The following LRP1B variants were observed in gnomAD, a reference collection of about 807,000 sequenced individuals.
LRP1B encodes LDL receptor related protein 1B, also known as low-density lipoprotein receptor-related protein 1B.
In LRP1B, 217 loss-of-function variants were observed where a neutral mutation model predicts 556.6. That is an observed-to-expected ratio of 0.39 (90% CI 0.35 to 0.44). The LOEUF (loss-of-function observed/expected upper bound fraction) is 0.44. Among genes scored for constraint, LRP1B ranks in the 20% least tolerant of loss-of-function variants. The pLI, the probability that LRP1B is intolerant of heterozygous loss-of-function variation, is 1.00. For missense variants in LRP1B, 5,053 were observed against 5,620.8 expected (o/e 0.90, Z 3.23); for synonymous variants, 2,047 against 1,865.8 (o/e 1.10, Z -2.50).
chr2:140,802,561 T>A (rs769069937), intron 32 of LRP1B, among the ~76,000 whole-genome samples: 4 of 152,208 alleles, frequency 2.6e-5, no homozygotes, highest in Non-Finnish European at 5.9e-5. Context: ...TTCCACTTGT[T>A]ATTTTAGAGC....
intron 2 of LRP1B, among the ~76,000 whole-genome samples, chr2:141,623,335 A>C (rs1435461219): frequency 1.3e-5 from 2 of 152,210 alleles, no homozygotes; most frequent in African/African-American, 2.4e-5. Context: ...GATGGTAAAA[A>C]TAAGCAACTA....
At chr2:140,348,458 G>A (rs928884126) in intron 77 of LRP1B, among the ~76,000 whole-genome samples, 3 of 152,000 alleles carry the variant, frequency 2.0e-5, no homozygotes, top group African/African-American at 7.2e-5. Flanking sequence ...AGTTAGTTAT[G>A]ATGGACTCCT....
intron 2 of LRP1B, among the ~76,000 whole-genome samples, chr2:141,714,999 C>T (rs186553846): frequency 1.3e-5 from 2 of 152,026 alleles, no homozygotes; most frequent in East Asian, 3.9e-4. Context: ...TTGCTTTATA[C>T]TAATTTTTTC....
At chr2:140,538,630 TAAGAC>T (rs1414247672) in intron 45 of LRP1B, among the ~76,000 whole-genome samples, 1 of 152,112 alleles carries the variant, frequency 6.6e-6, no homozygotes, top group Admixed American at 6.6e-5. Context: ...GAATGTCATT[TAAGAC>T]AAGGTAGCAA....
intron 41 of LRP1B, among the ~76,000 whole-genome samples, chr2:140,632,605 A>G (rs916887878): frequency 7.2e-5 from 11 of 152,234 alleles, no homozygotes; most frequent in African/African-American, 2.2e-4. Context: ...TAAAGAAAAA[A>G]GTGCTACAAA....
intron 20 of LRP1B, among the ~76,000 whole-genome samples, chr2:140,930,193 G>A (rs973721427): frequency 6.6e-6 from 1 of 152,062 alleles, no homozygotes; most frequent in Non-Finnish European, 1.5e-5. Context: ...CAATTTATAT[G>A]TATATGTGCA....
intron 86 of LRP1B, among the ~76,000 whole-genome samples, chr2:140,253,773 C>T (rs948488730): frequency 5.9e-5 from 9 of 151,998 alleles, no homozygotes; most frequent in African/African-American, 1.9e-4. Context: ...AAAAGGAAAA[C>T]GAACTATCAT....
chr2:140,267,815 C>T (rs1368559018), intron 86 of LRP1B, among the ~76,000 whole-genome samples: 2 of 151,846 alleles, frequency 1.3e-5, no homozygotes, highest in Admixed American at 1.3e-4. Flanking sequence ...CATAAGTACA[C>T]AAAAGTAGGA....
At chr2:141,314,908 A>T (rs936326152) in intron 3 of LRP1B, among the ~76,000 whole-genome samples, 7 of 146,442 alleles carry the variant, frequency 4.8e-5, no homozygotes, top group Non-Finnish European at 1.0e-4. Flanking sequence ...ATATATATAT[A>T]TACACATATA....
chr2:141,772,841 C>T (rs576671627), intron 2 of LRP1B, among the ~76,000 whole-genome samples: 11 of 152,242 alleles, frequency 7.2e-5, no homozygotes, highest in East Asian at 1.9e-4. Flanking sequence ...TGTTCTTAGG[C>T]GTGAAACTTC....
chr2:141,239,152 G>GA, intron 5 of LRP1B, among the ~76,000 whole-genome samples: 1 of 152,194 alleles, frequency 6.6e-6, no homozygotes, highest in African/African-American at 2.4e-5. Context: ...AGTAAACTGA[G>GA]AAAAAATGCC....
chr2:140,431,105 G>T (rs1207850938), intron 66 of LRP1B, among the ~76,000 whole-genome samples: 1 of 152,086 alleles, frequency 6.6e-6, no homozygotes, highest in East Asian at 1.9e-4. Flanking sequence ...ATAGCAGACC[G>T]GCCTTTATTA....
rs374520502 is a variant in LRP1B at position 140,948,042 on chromosome 2, A to G, written c.3136+2193T>C. 3.3e-5 allele frequency among the ~76,000 whole-genome samples: 5 copies of G among 152,322 alleles called. No homozygotes were observed. The East Asian group carries it at 9.6e-4, about 29-fold the overall frequency. ...GTTACTATCTACAGAGCCTACAAAG[A>G]GGTGTGCCACTAACTTTGGACACTC... On this transcript the variant is annotated intron_variant, in intron 20 of 90. Coordinates refer to ENST00000389484, the MANE Select transcript of LRP1B (RefSeq NM_018557.3).
intron 3 of LRP1B, among the ~76,000 whole-genome samples, chr2:141,307,084 T>C (rs575265914): frequency 1.7e-3 from 256 of 152,292 alleles, no homozygotes; most frequent in African/African-American, 5.7e-3. Flanking sequence ...TTGTAGCTGT[T>C]GGATAAAAAT....
intron 66 of LRP1B, among the ~76,000 whole-genome samples, chr2:140,442,062 A>G (rs534455803): frequency 1.3e-5 from 2 of 152,290 alleles, no homozygotes; most frequent in East Asian, 1.9e-4. Flanking sequence ...GATGCTTTTT[A>G]TTATCTTTTT....
At chr2:141,869,159 ATG>A (rs1410162333) in intron 1 of LRP1B, among the ~76,000 whole-genome samples, 1 of 152,126 alleles carries the variant, frequency 6.6e-6, no homozygotes, top group East Asian at 1.9e-4. Flanking sequence ...ATCCGATAGA[ATG>A]TGCAATGATG....
chr2:142,058,722 C>G (rs1704779688), intron 1 of LRP1B, among the ~76,000 whole-genome samples: 1 of 152,078 alleles, frequency 6.6e-6, no homozygotes, highest in Non-Finnish European at 1.5e-5. Flanking sequence ...TTTGCACGTA[C>G]TTGGTGTTCA....
At chr2:142,074,875 A>C (rs1559056449) in intron 1 of LRP1B, among the ~76,000 whole-genome samples, 1 of 152,070 alleles carries the variant, frequency 6.6e-6, no homozygotes, top group East Asian at 1.9e-4. Flanking sequence ...GACCTTCTTC[A>C]TCTAATCTTT....
At chr2:141,203,992 A>G (rs1682156642) in intron 6 of LRP1B, among the ~76,000 whole-genome samples, 1 of 152,220 alleles carries the variant, frequency 6.6e-6, no homozygotes, top group Non-Finnish European at 1.5e-5. Context: ...ATGAGAATGA[A>G]TACACAATGT....
Sources: allele counts gnomAD v4.1 joint callset (sites outside exome capture counted in the v4.1 genomes callset), GRCh38; gene constraint gnomAD v4.1.1; transcripts MANE v1.5; gene names NCBI Gene and HGNC (gene_info 2026-07-23, HGNC 2026-07-21).